The following BCAP29 variants were observed in gnomAD, a reference collection of about 807,000 sequenced individuals.
BCAP29 encodes B-cell receptor-associated protein 29.
BCAP29 carries 34 observed loss-of-function variants against 31.8 expected under a neutral mutation model. The ratio of observed to expected loss-of-function variants is 1.07; its 90% CI spans 0.81 to 1.42. The LOEUF is 1.42. Among genes scored for constraint, BCAP29 ranks in the 40% most tolerant of loss-of-function variants. The pLI, the probability that BCAP29 is intolerant of heterozygous loss-of-function variation, is 0.00. For missense variants in BCAP29, 314 were observed against 269.2 expected, an observed-to-expected ratio of 1.17 and a Z score of -1.16; for synonymous variants, 104 against 91.3, an observed-to-expected ratio of 1.14 and a Z score of -0.79.
intron 6 of BCAP29, among the ~76,000 whole-genome samples, chr7:107,608,421 G>A (rs554798759): frequency 1.3e-5 from 2 of 152,094 alleles, no homozygotes; most frequent in South Asian, 4.2e-4. Context: ...TCTTTCATTT[G>A]GCTCCTGTGT....
chr7:107,617,329 G>A (rs988749835), intron 7 of BCAP29, among the ~76,000 whole-genome samples: 3 of 152,144 alleles, frequency 2.0e-5, no homozygotes, highest in Admixed American at 2.0e-4. Context: ...TTTCTTTACT[G>A]TAAATAGATC....
At position 107,604,608 on chromosome 7, in the gene BCAP29, C is replaced by T. The variant is rs904698836; in HGVS notation, c.589+4103C>T. ...CTTTTACTTACAGTTATATCAAAGC[C>T]CCCAGCTTATTTTAAAATTATTAAT... On this transcript the variant is annotated intron_variant, in intron 6 of 7. Coordinates refer to ENST00000005259, the MANE Select transcript of BCAP29 (RefSeq NM_018844.4). Among the ~76,000 whole-genome samples the T allele has an allele frequency of 4.0e-5, 6 of 151,340 alleles. No individual in the cohort carries two copies. In the South Asian group the frequency reaches 1.2e-3, roughly 31 times the overall value.
rs927263803 is a variant in BCAP29, at chr7:107,619,217, T to C, written c.*854T>C. The C allele has an allele frequency of 6.6e-6, 1 of 152,582 alleles. No homozygotes were observed. Among genetic ancestry groups the C allele is most frequent in the East Asian group, 1.9e-4 (1 of 5,206 alleles). 9.5% of individuals were successfully genotyped at this position (152,582 alleles called of 1,614,324 possible). ...TTGGTTGTGAGAGTAACTAATTATA[T>C]AAATATTACCTCAAAAATACATACA... On this transcript the variant is annotated 3_prime_UTR_variant, in exon 8 of 8. Transcript: ENST00000005259.
intron 6 of BCAP29, among the ~76,000 whole-genome samples, chr7:107,605,268 A>G (rs767323988): frequency 2.0e-5 from 3 of 152,236 alleles, no homozygotes; most frequent in Non-Finnish European, 4.4e-5. Flanking sequence ...GTACTAGCAA[A>G]CATAACGATA....
At chr7:107,621,960 A>G, downstream of BCAP29, 1 of 514,260 alleles carries the variant, frequency 1.9e-6, no homozygotes, top group South Asian at 1.5e-5. Context: ...CTGAATTTCA[A>G]GGGGTGTGGA....
intron 6 of BCAP29, among the ~76,000 whole-genome samples, chr7:107,604,805 G>A (rs1276513496): frequency 6.8e-6 from 1 of 146,004 alleles, no homozygotes; most frequent in Non-Finnish European, 1.5e-5. Context: ...GTCCCTTCTT[G>A]TATCAACTGA....
chr7:107,610,938 T>G (rs542244134), intron 6 of BCAP29, among the ~76,000 whole-genome samples: 1 of 152,330 alleles, frequency 6.6e-6, no homozygotes, highest in East Asian at 1.9e-4. Context: ...TACTCTAGAC[T>G]CAGTAGCTTA....
intron 6 of BCAP29, among the ~76,000 whole-genome samples, chr7:107,607,017 T>C (rs1474317523): frequency 6.6e-6 from 1 of 152,196 alleles, no homozygotes. Flanking sequence ...TCAACTCCTT[T>C]AGAAATGTCC....
chr7:107,618,704 T>A lies in BCAP29; in HGVS notation c.*341T>A. 1 of 898,566 alleles carries A rather than the reference T, an allele frequency of 1.1e-6. No homozygotes were observed. The highest frequency in any genetic ancestry group is 1.7e-6 in the Non-Finnish European group (1 of 602,840). 55.7% of individuals were successfully genotyped at this position (898,566 alleles called of 1,614,324 possible). The stretch of plus-strand genomic sequence containing the variant: ...GAAGTTTTAAGTTGCATGAAACCAT[T>A]AATAGCCTTGAAAGCTTTGATAAGT... On this transcript the variant is annotated 3_prime_UTR_variant, in exon 8 of 8. Transcript: ENST00000005259.
In BCAP29 at chr7:107,580,400, A is replaced by ACCCGG. The variant is rs545841350; in HGVS notation, c.-15+110_-15+114dup. ...AACCCCGCGGAGCTGGCCTGGCCCGACCCGGCCCGGCCCGGTCCGCGGCGC... is the reference window on the plus strand; with the variant it reads ...AACCCCGCGGAGCTGGCCTGGCCCGACCCGGCCCGGCCCGGCCCGGTCCGCGGCGC... On this transcript the variant is annotated intron_variant, in intron 1 of 7. Coordinates refer to ENST00000005259, the MANE Select transcript of BCAP29 (RefSeq NM_018844.4). 1,646 of 224,840 alleles carry ACCCGG rather than the reference A, an allele frequency of 7.3e-3. 18 individuals are homozygous for ACCCGG. Among genetic ancestry groups the ACCCGG allele is most frequent in the African/African-American group, 0.036 (1,524 of 42,038 alleles). The allele number at this position is 224,840 out of a possible 1,614,324, so 13.9% of individuals were successfully genotyped here.
rs760858542 is a variant in BCAP29 at position 107,618,458 on chromosome 7, C to G, written c.*95C>G. On this transcript the variant is annotated 3_prime_UTR_variant, in exon 8 of 8. Transcript: ENST00000005259. ...TTAAGTTCAGAAAAATGCACTATGA[C>G]CGGTTCGTAATTTTTTTAATGCCAC... is the stretch of plus-strand genomic sequence containing the variant. 6.2e-7 allele frequency: 1 copy of G among 1,612,882 alleles called. No homozygotes were observed. Among genetic ancestry groups the G allele is most frequent in the East Asian group, 2.2e-5 (1 of 44,726 alleles).
At chr7:107,621,835 C>G (rs753461600), downstream of BCAP29, 1 of 525,136 alleles carries the variant, frequency 1.9e-6, no homozygotes, top group Non-Finnish European at 3.9e-6. Flanking sequence ...TTCCTGGCCT[C>G]CAGAACTATG....
intron 6 of BCAP29, among the ~76,000 whole-genome samples, chr7:107,613,097 A>G (rs1413443185): frequency 6.6e-6 from 1 of 152,182 alleles, no homozygotes; most frequent in African/African-American, 2.4e-5. Context: ...TCTGGGAAAT[A>G]CATTCACAGA....
In BCAP29 at chr7:107,586,053, C is replaced by T. The variant is rs150188308; in HGVS notation, c.193+2071C>T. Among the ~76,000 whole-genome samples, 867 of 152,140 alleles carry T rather than the reference C, an allele frequency of 5.7e-3. 3 individuals carry two copies. The highest frequency in any genetic ancestry group is 6.6e-3 in the Non-Finnish European group (449 of 67,990). On this transcript the variant is annotated intron_variant, in intron 3 of 7. Transcript: ENST00000005259. ...AAAAGGAAAAATTTGTAATAAAATA[C>T]GGGGCTGTTGCAGAGTAGCCCAAGA...
At chr7:107,585,754 C>G (rs1466728031) in intron 3 of BCAP29, among the ~76,000 whole-genome samples, 1 of 152,128 alleles carries the variant, frequency 6.6e-6, no homozygotes, top group African/African-American at 2.4e-5. Context: ...CTTCGAAAGA[C>G]CAAGGCAGGT....
At chr7:107,611,239 C>G (rs1483567000) in intron 6 of BCAP29, among the ~76,000 whole-genome samples, 1 of 152,088 alleles carries the variant, frequency 6.6e-6, no homozygotes, top group Non-Finnish European at 1.5e-5. Context: ...TGTGGAGAGA[C>G]AAGCATTCGG....
intron 3 of BCAP29, among the ~76,000 whole-genome samples, chr7:107,585,717 C>T (rs914763797): frequency 9.9e-5 from 15 of 152,102 alleles, no homozygotes; most frequent in African/African-American, 3.4e-4. Context: ...TGGCCGGGCG[C>T]GGCGGCTCAC....
In BCAP29 at chr7:107,588,570, G is replaced by A. The variant is rs558083759; in HGVS notation, c.193+4588G>A. 5.3e-5 allele frequency among the ~76,000 whole-genome samples: 8 copies of A among 152,234 alleles called. 2 individuals carry two copies. The highest frequency in any genetic ancestry group is 1.9e-4 in the African/African-American group (8 of 41,540). On this transcript the variant is annotated intron_variant, in intron 3 of 7. Transcript: ENST00000005259. ...TGAAGGCCTTGTAGAGCAACCAAAA[G>A]CAGGCAGAAACTAGAGGGACGTCAA...
At position 107,608,461 on chromosome 7, in the gene BCAP29, T is replaced by C. The variant is rs187849331; in HGVS notation, c.590-4871T>C. Among the ~76,000 whole-genome samples, 378 of 143,176 alleles carry C rather than the reference T, an allele frequency of 2.6e-3. 2 individuals are homozygous for C. The highest frequency in any genetic ancestry group is 4.3e-3 in the Non-Finnish European group (283 of 66,566). 93.9% of individuals were successfully genotyped at this position (143,176 alleles called of 152,430 possible). A position where few individuals can be genotyped will look rare whatever the true frequency, so the allele number is the denominator to read the frequency against. On this transcript the variant is annotated intron_variant, in intron 6 of 7. Transcript: ENST00000005259. The stretch of plus-strand genomic sequence containing the variant: ...TTGACACATTTCCATTTTGGATATT[T>C]GTTTGTTTGTTTGTTTGTTTGTTTG...
Sources: gnomAD v4.1 joint callset for allele counts (sites outside exome capture counted in the v4.1 genomes callset) on GRCh38, gnomAD v4.1.1 for gene constraint, MANE v1.5 for transcripts, NCBI Gene and HGNC (gene_info 2026-07-23, HGNC 2026-07-21) for gene names.